Variants in SERGEF observed in about 807,000 individuals in gnomAD.
SERGEF encodes secretion regulating guanine nucleotide exchange factor, also known as secretion-regulating guanine nucleotide exchange factor.
A neutral mutation model predicts 50.0 loss-of-function variants in SERGEF; 51 were observed. That is an observed-to-expected ratio of 1.02 (90% CI 0.81 to 1.29). The LOEUF is 1.29. SERGEF is among the 50% of genes most tolerant of loss of function. The probability of loss-of-function intolerance (pLI) is 0.00; values close to 1 mark genes in which losing one functional copy is unlikely to be tolerated. For synonymous variants in SERGEF, 205 were observed against 212.4 expected (o/e 0.97, Z 0.30); for missense variants, 521 against 557.0 (o/e 0.94, Z 0.65).
chr11:17,798,520 T>A (rs949867255), intron 10 of SERGEF, among the ~76,000 whole-genome samples: 1 of 152,236 alleles, frequency 6.6e-6, no homozygotes, highest in Non-Finnish European at 1.5e-5. Context: ...TGGACACATT[T>A]CCTCAGTCAC....
At chr11:17,992,053 A>G (rs1853721092) in intron 7 of SERGEF, among the ~76,000 whole-genome samples, 1 of 152,208 alleles carries the variant, frequency 6.6e-6, no homozygotes, top group South Asian at 2.1e-4. Context: ...AAAATGCTGC[A>G]TTGCCTTGGA....
intron 10 of SERGEF, among the ~76,000 whole-genome samples, chr11:17,871,583 CAT>C (rs1851138719): frequency 6.6e-6 from 1 of 151,096 alleles, no homozygotes; most frequent in Non-Finnish European, 1.5e-5. Flanking sequence ...CTAAGAGAAA[CAT>C]AGACAAAACC....
intron 10 of SERGEF, among the ~76,000 whole-genome samples, chr11:17,804,258 G>A (rs1014951261): frequency 6.6e-6 from 1 of 152,246 alleles, no homozygotes; most frequent in Non-Finnish European, 1.5e-5. Flanking sequence ...AACCACTGCT[G>A]TAGGAGTTAG....
chr11:17,886,744 C>T (rs1315620388), intron 9 of SERGEF, among the ~76,000 whole-genome samples: 2 of 152,130 alleles, frequency 1.3e-5, no homozygotes, highest in Non-Finnish European at 2.9e-5. Flanking sequence ...ATAATATACA[C>T]AGTAATTAGG....
chr11:17,832,439 C>A (rs1157812705), intron 10 of SERGEF, among the ~76,000 whole-genome samples: 1 of 152,200 alleles, frequency 6.6e-6, no homozygotes, highest in African/African-American at 2.4e-5. Flanking sequence ...CTTTGGTAAA[C>A]TGCTCAGTTT....
chr11:17,994,800 C>T (rs1443024511), intron 6 of SERGEF, among the ~76,000 whole-genome samples: 3 of 152,070 alleles, frequency 2.0e-5, no homozygotes, highest in Non-Finnish European at 4.4e-5. Context: ...AAGAGAACAC[C>T]TCCAGGACTT....
At chr11:17,836,622 A>C (rs980976154) in intron 10 of SERGEF, among the ~76,000 whole-genome samples, 1 of 152,226 alleles carries the variant, frequency 6.6e-6, no homozygotes, top group Admixed American at 6.5e-5. Flanking sequence ...ACATCAGTGC[A>C]TATCTCCTAA....
At chr11:17,918,625 GACACAC>G (rs141971282) in intron 9 of SERGEF, 69 of 308,200 alleles carry the variant, frequency 2.2e-4, no homozygotes, top group East Asian at 5.1e-4. Context: ...AGCAGGAACA[GACACAC>G]ACACACACAC....
intron 10 of SERGEF, among the ~76,000 whole-genome samples, chr11:17,810,826 A>G (rs1191820852): frequency 1.3e-5 from 2 of 151,342 alleles, no homozygotes; most frequent in South Asian, 2.1e-4. Context: ...AAAAACCACC[A>G]CCAAAAACCT....
In SERGEF at chr11:18,004,531, A is replaced by T. The variant is rs771534008; in HGVS notation, c.357T>A (p.Asn119Lys). 10 of 1,609,184 alleles carry T rather than the reference A, an allele frequency of 6.2e-6. No homozygotes were observed. Among genetic ancestry groups the T allele is most frequent in the Non-Finnish European group, 8.5e-6 (10 of 1,176,624 alleles). ...GWDFTIMLTE[N>K]GQVLSCGSNS... The stretch of plus-strand genomic sequence containing the variant: ...TGGATCCACATGATAGAACTTGACC[A>T]TTTTCTGCAAAATACAAATACTTAA... The change falls in exon 4 of 11, where the codon AAT (asparagine) becomes AAA (lysine). Residue 119 changes from asparagine to lysine, a missense_variant. Asn to Lys is a moderately conservative substitution (Grantham distance 94, BLOSUM62 0). Coordinates refer to ENST00000265965, the MANE Select transcript of SERGEF (RefSeq NM_012139.4).
At chr11:17,811,021 A>G (rs746255425) in intron 10 of SERGEF, among the ~76,000 whole-genome samples, 14 of 152,194 alleles carry the variant, frequency 9.2e-5, no homozygotes, top group Non-Finnish European at 1.9e-4. Context: ...AGAAGGGGTC[A>G]TGCTGAGGTC....
At chr11:17,789,549 T>A (rs1189343959) in intron 10 of SERGEF, among the ~76,000 whole-genome samples, 1 of 152,190 alleles carries the variant, frequency 6.6e-6, no homozygotes, top group Admixed American at 6.5e-5. Context: ...AGGTCTAAAC[T>A]CATTCATGTT....
rs1159932764 is a variant in SERGEF, at chr11:17,839,683, A to G, written c.1048+38525T>C. Among the ~76,000 whole-genome samples, 4 of 152,166 alleles carry G rather than the reference A, an allele frequency of 2.6e-5. No individual in the cohort carries two copies. In the East Asian group the frequency reaches 7.7e-4, roughly 29 times the overall value. On this transcript the variant is annotated intron_variant, in intron 10 of 10. Transcript: ENST00000265965. ...TGTGCAGAGCATGCAAACTCAAGCCATGTGCACACCATCCACGCGCACATG... is the reference window on the plus strand; with the variant it reads ...TGTGCAGAGCATGCAAACTCAAGCCGTGTGCACACCATCCACGCGCACATG...
At position 18,007,993 on chromosome 11, in the gene SERGEF, G is replaced by A. The variant is rs1490112834; in HGVS notation, c.144C>T (p.Pro48=). 1 of 1,614,022 alleles carries A rather than the reference G, an allele frequency of 6.2e-7. No individual in the cohort carries two copies. Among genetic ancestry groups the A allele is most frequent in the Non-Finnish European group, 8.5e-7 (1 of 1,179,930 alleles). The change falls in exon 2 of 11, where the codon CCC becomes CCT. Residue 48 remains proline (P), a synonymous_variant. Coordinates refer to ENST00000265965, the MANE Select transcript of SERGEF (RefSeq NM_012139.4). The part of the protein sequence containing the change: ...LPQQLNDFCK[P]RSVRRITGGG... ...CTCCTGTGATCCTCCTGACACTCCT[G>A]GGTTTACAGAAGTCATTCAGTTGCT... is the stretch of plus-strand genomic sequence containing the variant.
At chr11:17,951,550 T>G (rs1852774498) in intron 9 of SERGEF, among the ~76,000 whole-genome samples, 1 of 152,160 alleles carries the variant, frequency 6.6e-6, no homozygotes. Context: ...TTCCTTTCCT[T>G]GTTGCTTTTC....
At chr11:17,942,858 T>C (rs937389943) in intron 9 of SERGEF, among the ~76,000 whole-genome samples, 1 of 152,182 alleles carries the variant, frequency 6.6e-6, no homozygotes, top group Non-Finnish European at 1.5e-5. Context: ...GAAGTTATTA[T>C]TATGGTTTTT....
intron 3 of SERGEF, among the ~76,000 whole-genome samples, chr11:18,005,264 G>C (rs1290712531): frequency 1.3e-5 from 2 of 152,128 alleles, no homozygotes; most frequent in African/African-American, 2.4e-5. Context: ...ATAAATGATA[G>C]TTATTGTTTA....
At chr11:17,883,939 C>CG (rs1851381696) in intron 9 of SERGEF, among the ~76,000 whole-genome samples, 3 of 152,046 alleles carry the variant, frequency 2.0e-5, no homozygotes, top group Admixed American at 6.5e-5. Context: ...ACATTCTAAA[C>CG]GGGGAAATCG....
At chr11:17,981,795 C>A (rs1853500101) in intron 8 of SERGEF, among the ~76,000 whole-genome samples, 1 of 151,988 alleles carries the variant, frequency 6.6e-6, no homozygotes, top group South Asian at 2.1e-4. Context: ...TTTCTTGAAG[C>A]AGAACTTCTT....
Sources: gnomAD v4.1 joint callset for allele counts (sites outside exome capture counted in the v4.1 genomes callset) on GRCh38, gnomAD v4.1.1 for gene constraint, MANE v1.5 for transcripts, NCBI Gene and HGNC (gene_info 2026-07-23, HGNC 2026-07-21) for gene names.